The following SPIDR variants were observed in gnomAD, a reference collection of about 807,000 sequenced individuals.
The protein encoded by SPIDR is scaffold protein involved in DNA repair, also known as DNA repair-scaffolding protein.
SPIDR carries 93 observed loss-of-function variants against 104.6 expected under a neutral mutation model. The ratio of observed to expected loss-of-function variants is 0.89; its 90% CI spans 0.75 to 1.06. SPIDR has a LOEUF of 1.06. Among genes scored for constraint, SPIDR ranks in the 50% least tolerant of loss-of-function variants. SPIDR has a pLI of 0.00. For missense variants in SPIDR, 1,154 were observed against 1,111.2 expected (o/e 1.04, Z -0.55); for synonymous variants, 431 against 416.9 (o/e 1.03, Z -0.41).
intron 11 of SPIDR, among the ~76,000 whole-genome samples, chr8:47,675,480 A>G (rs967897348): frequency 2.0e-5 from 3 of 152,210 alleles, no homozygotes; most frequent in Non-Finnish European, 4.4e-5. Context: ...GTTGGGTCAC[A>G]TGAGTCTTAC....
intron 5 of SPIDR, among the ~76,000 whole-genome samples, chr8:47,333,842 C>G (rs1466296051): frequency 6.6e-6 from 1 of 152,162 alleles, no homozygotes; most frequent in Non-Finnish European, 1.5e-5. Context: ...TGTAATCTTA[C>G]AAGACCAGCG....
intron 8 of SPIDR, among the ~76,000 whole-genome samples, chr8:47,534,594 CAAAG>C (rs1278899096): frequency 6.6e-6 from 1 of 151,906 alleles, no homozygotes; most frequent in Non-Finnish European, 1.5e-5. Flanking sequence ...CTTAAGAACA[CAAAG>C]AAGGAGACAG....
intron 8 of SPIDR, among the ~76,000 whole-genome samples, chr8:47,533,421 C>G (rs977321434): frequency 6.6e-6 from 1 of 152,076 alleles, no homozygotes; most frequent in African/African-American, 2.4e-5. Flanking sequence ...CAAAAATTGA[C>G]AAGTGGGATC....
chr8:47,427,090 A>G (rs1159766484), intron 7 of SPIDR, among the ~76,000 whole-genome samples: 7 of 152,160 alleles, frequency 4.6e-5, no homozygotes, highest in Non-Finnish European at 1.0e-4. Context: ...TTCAAGAGAA[A>G]CTGAAATCAT....
chr8:47,690,044 T>C (rs2078411133), intron 11 of SPIDR, among the ~76,000 whole-genome samples: 7 of 151,656 alleles, frequency 4.6e-5, no homozygotes, highest in Admixed American at 6.5e-5. Context: ...AGCACACTTA[T>C]AATATTTGGT....
intron 8 of SPIDR, among the ~76,000 whole-genome samples, chr8:47,558,844 G>A (rs1471948801): frequency 1.3e-5 from 2 of 152,118 alleles, no homozygotes; most frequent in African/African-American, 4.8e-5. Flanking sequence ...GTTTCACTGT[G>A]TTAGCCGGGA....
At position 47,639,938 on chromosome 8, in the gene SPIDR, AAAAG is replaced by A. The variant is rs1455420317; in HGVS notation, c.1545-33861_1545-33858del. Among the ~76,000 whole-genome samples, 6 of 152,206 alleles carry A rather than the reference AAAAG, an allele frequency of 3.9e-5. 1 individual carries two copies. In the South Asian group the frequency reaches 8.3e-4, roughly 21 times the overall value. On this transcript the variant is annotated intron_variant, in intron 10 of 19. Coordinates refer to ENST00000297423, the MANE Select transcript of SPIDR (RefSeq NM_001080394.4). ...CTCCAGCCTGGGTGACAAAAAAAAAAAAAGAGAGATTTATTAATGGATTTTAAGT... is the reference window on the plus strand; with the variant it reads ...CTCCAGCCTGGGTGACAAAAAAAAAAAGAGATTTATTAATGGATTTTAAGT...
intron 8 of SPIDR, among the ~76,000 whole-genome samples, chr8:47,568,601 C>T (rs749369605): frequency 5.9e-5 from 9 of 152,326 alleles, no homozygotes; most frequent in Non-Finnish European, 8.8e-5. Context: ...CCCTCAACCT[C>T]ATGGCAGGCA....
intron 5 of SPIDR, among the ~76,000 whole-genome samples, chr8:47,349,543 T>A (rs2052985873): frequency 6.6e-6 from 1 of 152,248 alleles, no homozygotes; most frequent in African/African-American, 2.4e-5. Context: ...AAGTTTCTGC[T>A]GCCTTTTGTT....
intron 10 of SPIDR, among the ~76,000 whole-genome samples, chr8:47,603,658 A>G (rs2062581387): frequency 6.6e-6 from 1 of 151,388 alleles, no homozygotes; most frequent in South Asian, 2.1e-4. Flanking sequence ...TTGGCTTTCC[A>G]AAGTACTAGG....
At chr8:47,371,128 G>GTTT (rs56285452) in intron 5 of SPIDR, among the ~76,000 whole-genome samples, 1 of 128,604 alleles carries the variant, frequency 7.8e-6, no homozygotes, top group Admixed American at 7.9e-5. Flanking sequence ...ACACAAGCAG[G>GTTT]TTTTTTTTTT....
chr8:47,728,973 T>C lies in SPIDR; in HGVS notation c.2476T>C (p.Ser826Pro). Residue 826 changes from serine to proline, a missense_variant, in exon 18 of 20, where the codon TCT (serine) becomes CCT (proline). Physicochemically the swap from Ser to Pro is moderately conservative, Grantham distance 74. Coordinates refer to ENST00000297423, the MANE Select transcript of SPIDR (RefSeq NM_001080394.4). ...TGGGGACTGCTCCCGGGTGGTCACATCTCCTGTTCTCAAGAGGCACCTGCA... is the reference window on the plus strand; with the variant it reads ...TGGGGACTGCTCCCGGGTGGTCACACCTCCTGTTCTCAAGAGGCACCTGCA... ...SCGDCSRVVT[S>P]PVLKRHLQVF... is the part of the protein sequence containing the mutation. 6.2e-7 allele frequency: 1 copy of C among 1,613,844 alleles called. No individual in the cohort carries two copies. The highest frequency in any genetic ancestry group is 8.5e-7 in the Non-Finnish European group (1 of 1,179,998).
chr8:47,328,485 C>T (rs1554602020), intron 5 of SPIDR, among the ~76,000 whole-genome samples: 1 of 151,164 alleles, frequency 6.6e-6, no homozygotes, highest in African/African-American at 2.4e-5. Context: ...CTCCTGGCTT[C>T]AAGTGATCCT....
intron 14 of SPIDR, among the ~76,000 whole-genome samples, chr8:47,711,985 C>T (rs1050163745): frequency 2.6e-5 from 4 of 152,174 alleles, no homozygotes; most frequent in African/African-American, 7.2e-5. Context: ...CCAGCAACAC[C>T]AGCTGAACCT....
intron 8 of SPIDR, among the ~76,000 whole-genome samples, chr8:47,500,343 TGTAAGATG>T (rs2080191884): frequency 6.6e-6 from 1 of 152,228 alleles, no homozygotes; most frequent in South Asian, 2.1e-4. Context: ...TTCTAACTGG[TGTAAGATG>T]GTATCTCATT....
chr8:47,447,718 AAG>A (rs1411574718), intron 8 of SPIDR, among the ~76,000 whole-genome samples: 1 of 152,182 alleles, frequency 6.6e-6, no homozygotes, highest in Non-Finnish European at 1.5e-5. Flanking sequence ...TCTAGAAAGG[AAG>A]AGTCAGTTGA....
chr8:47,504,729 A>T (rs1395502788), intron 8 of SPIDR, among the ~76,000 whole-genome samples: 3 of 152,094 alleles, frequency 2.0e-5, no homozygotes, highest in Non-Finnish European at 4.4e-5. Context: ...TAGAGTTTCC[A>T]GTTTTTCTGC....
intron 10 of SPIDR, among the ~76,000 whole-genome samples, chr8:47,637,553 G>A (rs1394971621): frequency 6.6e-6 from 1 of 152,176 alleles, no homozygotes. Context: ...CTGGGCGACA[G>A]AGCAAGACGT....
intron 5 of SPIDR, among the ~76,000 whole-genome samples, chr8:47,392,338 A>T (rs890262200): frequency 6.6e-6 from 1 of 152,188 alleles, no homozygotes; most frequent in Non-Finnish European, 1.5e-5. Context: ...CTACCACTCC[A>T]AGTGGTCTTC....
Sources: gnomAD v4.1 joint callset for allele counts (sites outside exome capture counted in the v4.1 genomes callset) on GRCh38, gnomAD v4.1.1 for gene constraint, MANE v1.5 for transcripts, NCBI Gene and HGNC (gene_info 2026-07-23, HGNC 2026-07-21) for gene names.